GTF3C1: variants seen among roughly 807,000 people sequenced by gnomAD.
GTF3C1 encodes general transcription factor 3C polypeptide 1.
Under a neutral mutation model 226.7 loss-of-function variants are expected in GTF3C1, and 57 were observed. The ratio of observed to expected loss-of-function variants is 0.25; its 90% CI spans 0.20 to 0.31. The LOEUF (loss-of-function observed/expected upper bound fraction) is 0.31. GTF3C1 is among the 10% of genes least tolerant of loss of function. The pLI is 1.00. For missense variants in GTF3C1, 2,217 were observed against 2,776.1 expected, an observed-to-expected ratio of 0.80 and a Z score of 4.53; for synonymous variants, 1,090 against 1,084.8, an observed-to-expected ratio of 1.00 and a Z score of -0.09.
At chr16:27,490,325 GAAATATA>G (rs1417756543) in intron 19 of GTF3C1, among the ~76,000 whole-genome samples, 7 of 152,226 alleles carry the variant, frequency 4.6e-5, no homozygotes, top group Non-Finnish European at 7.3e-5. Flanking sequence ...TTCTTGCAAA[GAAATATA>G]AAATACCACT....
Position 27,469,477 on chromosome 16 carries a change from G to A in GTF3C1, c.4888C>T (p.Arg1630Cys), listed in dbSNP as rs746001492. ...GCAGGTTTCACCTCCATGCTCCGGCGCTTGCCCCCTACACCTTCGTCCAAG... is the reference window on the plus strand; with the variant it reads ...GCAGGTTTCACCTCCATGCTCCGGCACTTGCCCCCTACACCTTCGTCCAAG... The part of the protein sequence containing the change: ...DDLDEGVGGK[R>C]RSMEVKPAQA... The change falls in exon 32 of 37, where the codon CGC becomes TGC. Residue 1630 changes from arginine to cysteine, a missense_variant. Around this residue, in one of 12 missense-constraint regions of GTF3C1, gnomAD observed 546 missense variants for 663.0 expected, o/e 0.82. Transcript: ENST00000356183. This position sits in a 1 kb window ranked among gnomAD's most constrained non-coding sequence, Gnocchi z 4.5. The A allele has an allele frequency of 1.2e-5, 19 of 1,614,190 alleles. No individual in the cohort carries two copies. The highest frequency in any genetic ancestry group is 8.9e-5 in the East Asian group (4 of 44,882).
Position 27,549,664 on chromosome 16 carries a change from G to A in GTF3C1, c.221+6C>T. On this transcript the variant is annotated splice_donor_region_variant and intron_variant, in intron 1 of 36. Transcript: ENST00000356183. Reference sequence around the variant, plus strand: ...GCCCGCCCGCCAGGCCAGGCCGCCCGCTGACCGGTCCTGGAGCTGTAGGTC... The same window carrying A: ...GCCCGCCCGCCAGGCCAGGCCGCCCACTGACCGGTCCTGGAGCTGTAGGTC... The A allele has an allele frequency of 3.0e-6, 2 of 667,732 alleles. No homozygotes were observed. The highest frequency in any genetic ancestry group is 1.9e-5 in the African/African-American group (1 of 52,372). 41.4% of individuals were successfully genotyped at this position (667,732 alleles called of 1,614,324 possible).
intron 27 of GTF3C1, among the ~76,000 whole-genome samples, chr16:27,480,495 G>C (rs1433397146): frequency 6.6e-6 from 1 of 152,186 alleles, no homozygotes; most frequent in Non-Finnish European, 1.5e-5. Context: ...TGAGAGCAAG[G>C]GTGCTGTACA....
intron 11 of GTF3C1, among the ~76,000 whole-genome samples, chr16:27,502,048 T>C (rs1389982585): frequency 1.3e-5 from 2 of 151,468 alleles, no homozygotes; most frequent in African/African-American, 4.9e-5. Flanking sequence ...TGAGCCGAGA[T>C]TGCATCATGC....
intron 33 of GTF3C1, 118 bp from the exon 34 acceptor site, chr16:27,464,954 G>A: frequency 1.2e-6 from 1 of 843,048 alleles, no homozygotes; most frequent in Non-Finnish European, 1.8e-6. Context: ...GAGCAGCCCA[G>A]GCCCACGAGG....
At chr16:27,479,625 C>G (rs902650554) in intron 27 of GTF3C1, among the ~76,000 whole-genome samples, 4 of 152,152 alleles carry the variant, frequency 2.6e-5, no homozygotes, top group East Asian at 1.9e-4. Flanking sequence ...CGTGCCACCA[C>G]GCCCAGCTAA....
chr16:27,523,166 T>C (rs1475645768), intron 6 of GTF3C1, among the ~76,000 whole-genome samples: 3 of 152,186 alleles, frequency 2.0e-5, no homozygotes, highest in African/African-American at 4.8e-5. Flanking sequence ...TCTACTTCTC[T>C]CCCTTTCTCT....
Position 27,484,342 on chromosome 16 carries a change from T to A in GTF3C1, c.3870A>T (p.Pro1290=). ...SNVLNTKVKG[P]FVTWQVVRDI... The stretch of plus-strand genomic sequence containing the variant: ...CCCGTACCACCTGCCAGGTGACAAA[T>A]GGGCCCTTCACCTGGATCAAACACA... The change falls in exon 25 of 37, where the codon CCA becomes CCT. Residue 1290 remains proline, a synonymous_variant. Coordinates refer to ENST00000356183, the MANE Select transcript of GTF3C1 (RefSeq NM_001520.4). 6.2e-7 allele frequency: 1 copy of A among 1,609,316 alleles called. No individual in the cohort carries two copies. Among genetic ancestry groups the A allele is most frequent in the Non-Finnish European group, 8.5e-7 (1 of 1,175,744 alleles).
chr16:27,549,423 A>G (rs1174228339), intron 1 of GTF3C1, among the ~76,000 whole-genome samples: 1 of 152,092 alleles, frequency 6.6e-6, no homozygotes, highest in African/African-American at 2.4e-5. Context: ...CCATTACCCC[A>G]AAACACACAC....
chr16:27,502,721 A>G, intron 11 of GTF3C1, 138 bp downstream of exon 11: 1 of 874,606 alleles, frequency 1.1e-6, no homozygotes, highest in Non-Finnish European at 1.8e-6. Flanking sequence ...CCCTACCGCA[A>G]AGGAACGAGA....
Position 27,493,266 on chromosome 16 carries a change from G to A in GTF3C1, c.2809C>T (p.Pro937Ser). The part of the protein sequence containing the change: ...VDNLEEFLND[P>S]LKKHTLIRFL... ...CGGATCAGCGTGTGCTTCTTCAGCGGGTCGTTCAGAAATTCCTCCAGGTTG... is the reference window on the plus strand; with the variant it reads ...CGGATCAGCGTGTGCTTCTTCAGCGAGTCGTTCAGAAATTCCTCCAGGTTG... The change falls in exon 17 of 37, where the codon CCG (proline) becomes TCG (serine). Residue 937 changes from proline to serine, a missense_variant. Pro to Ser is a moderately conservative substitution (Grantham distance 74). Coordinates refer to ENST00000356183, the MANE Select transcript of GTF3C1 (RefSeq NM_001520.4). The A allele has an allele frequency of 6.2e-7, 1 of 1,610,730 alleles. No individual in the cohort carries two copies. The highest frequency in any genetic ancestry group is 2.2e-5 in the East Asian group (1 of 44,862).
Position 27,498,753 on chromosome 16 carries a change from C to T in GTF3C1, c.2062-20G>A, listed in dbSNP as rs367897591. ...ATCCACCTGGAGAGAGAGGTTGGAG[C>T]ATCCCACAGGGTGAGGGAAGAGCTG... On this transcript the variant is annotated intron_variant, in intron 12 of 36. Coordinates refer to ENST00000356183, the MANE Select transcript of GTF3C1 (RefSeq NM_001520.4). 8.4e-5 allele frequency: 104 copies of T among 1,238,636 alleles called. No homozygotes were observed. Among genetic ancestry groups the T allele is most frequent in the Non-Finnish European group, 1.2e-4 (98 of 837,564 alleles). The allele number at this position is 1,238,636 out of a possible 1,614,324, so 76.7% of individuals were successfully genotyped here. A position where few individuals can be genotyped will look rare whatever the true frequency, so the allele number is the denominator to read the frequency against.
intron 11 of GTF3C1, among the ~76,000 whole-genome samples, chr16:27,502,655 T>C (rs1036225273): frequency 3.5e-4 from 54 of 152,212 alleles, no homozygotes; most frequent in African/African-American, 1.2e-3. Context: ...CTGCTCCTTT[T>C]GAGGAGGAGA....
At chr16:27,510,498 A>C (rs2088557011) in intron 7 of GTF3C1, among the ~76,000 whole-genome samples, 2 of 152,152 alleles carry the variant, frequency 1.3e-5, no homozygotes, top group South Asian at 2.1e-4. Flanking sequence ...CGGAGGCTGC[A>C]GTGAACTGAG....
intron 29 of GTF3C1, among the ~76,000 whole-genome samples, chr16:27,476,045 A>G (rs2087945761): frequency 1.3e-5 from 2 of 152,176 alleles, no homozygotes; most frequent in Non-Finnish European, 2.9e-5. Flanking sequence ...CTTCAGTTCT[A>G]TGAGATGCTA....
intron 24 of GTF3C1, among the ~76,000 whole-genome samples, chr16:27,484,826 G>A (rs1483960496): frequency 6.6e-6 from 1 of 152,228 alleles, no homozygotes; most frequent in African/African-American, 2.4e-5. Flanking sequence ...AATAACACAG[G>A]AAGGCAAGGC....
intron 26 of GTF3C1, 21 bp from the exon 27 acceptor site, chr16:27,481,212 G>C: frequency 6.2e-7 from 1 of 1,600,042 alleles, no homozygotes; most frequent in South Asian, 1.1e-5. Flanking sequence ...GAGAGCATGA[G>C]AGGTTAAGCC....
At position 27,461,807 on chromosome 16, in the gene GTF3C1, A is replaced by C; in HGVS notation, c.6118-245T>G. On this transcript the variant is annotated intron_variant, in intron 36 of 36. Coordinates refer to ENST00000356183, the MANE Select transcript of GTF3C1 (RefSeq NM_001520.4). The surrounding 1 kb of genome is among the most constrained non-coding windows in gnomAD (Gnocchi z 5.3). ...GGCTGGAGCCACCACGCTGAATCTC[A>C]TTTGTGGAGGAGAGGCCTGCAGCGC... 2.2e-5 allele frequency: 12 copies of C among 534,364 alleles called. No individual in the cohort carries two copies. The highest frequency in any genetic ancestry group is 6.0e-5 in the East Asian group (2 of 33,340). 33.1% of individuals were successfully genotyped at this position (534,364 alleles called of 1,614,324 possible). A position where few individuals can be genotyped will look rare whatever the true frequency, so the allele number is the denominator to read the frequency against.
rs191558473 is a variant in GTF3C1, at chr16:27,468,249, A to G, written c.5074+1042T>C. On this transcript the variant is annotated intron_variant, in intron 32 of 36. Transcript: ENST00000356183. ...GATGAGCAAAGAAGGTGGTTTCTTG[A>G]GTTTCTTGACATAGAATCTACTCCT... Among the ~76,000 whole-genome samples the G allele has an allele frequency of 1.8e-3, 278 of 152,342 alleles. 2 individuals carry two copies. Among genetic ancestry groups the G allele is most frequent in the African/African-American group, 6.3e-3 (264 of 41,586 alleles).
Sources: allele counts gnomAD v4.1 joint callset (sites outside exome capture counted in the v4.1 genomes callset), GRCh38; gene constraint gnomAD v4.1.1; regional missense constraint gnomAD v4.1.1; non-coding constraint Gnocchi (gnomAD v3.1); transcripts MANE v1.5; gene names NCBI Gene and HGNC (gene_info 2026-07-23, HGNC 2026-07-21).